Variants in SLC18A1 observed in about 807,000 individuals in gnomAD.
SLC18A1 encodes the protein solute carrier family 18 member A1.
A neutral mutation model predicts 53.7 loss-of-function variants in SLC18A1; 69 were observed. That is an observed-to-expected ratio of 1.28 (90% CI 1.06 to 1.57). SLC18A1 has a LOEUF of 1.57. Among genes scored for constraint, SLC18A1 ranks in the 40% most tolerant of loss-of-function variants. The pLI is 0.00. For missense variants in SLC18A1, 932 were observed against 668.1 expected, an observed-to-expected ratio of 1.40 and a Z score of -4.35; for synonymous variants, 320 against 248.1, an observed-to-expected ratio of 1.29 and a Z score of -2.72.
At chr8:20,149,788 C>A (rs964645161) in intron 11 of SLC18A1, 61 bp from the exon 12 acceptor site, 97 of 1,495,338 alleles carry the variant, frequency 6.5e-5, no homozygotes, top group Non-Finnish European at 7.7e-5. Context: ...ACCTGTACCC[C>A]ATCACCGCCA....
At chr8:20,154,836 G>A (rs1029756511) in intron 10 of SLC18A1, among the ~76,000 whole-genome samples, 10 of 152,082 alleles carry the variant, frequency 6.6e-5, no homozygotes, top group South Asian at 2.1e-4. Context: ...TTCATTCGCC[G>A]TCCACCACGG....
intron 10 of SLC18A1, among the ~76,000 whole-genome samples, chr8:20,163,139 G>A (rs1160360702): frequency 6.6e-6 from 1 of 152,134 alleles, no homozygotes; most frequent in South Asian, 2.1e-4. Flanking sequence ...GTGCCTGGTT[G>A]CTGGATCATA....
In SLC18A1 at chr8:20,178,974, T is replaced by G. The variant is rs1445580710; in HGVS notation, c.488+147A>C. The G allele has an allele frequency of 6.6e-6, 6 of 913,370 alleles. No individual in the cohort carries two copies. In the African/African-American group the frequency reaches 1.0e-4, roughly 15 times the overall value. 56.6% of individuals were successfully genotyped at this position (913,370 alleles called of 1,614,324 possible). ...CATTTCATCAGTAACATGTTATTCT[T>G]TGAGTAACGAGCTTTCCGAATAGCT... On this transcript the variant is annotated intron_variant, in intron 3 of 15. Transcript: ENST00000276373.
chr8:20,166,800 A>C (rs1333830725), intron 8 of SLC18A1, among the ~76,000 whole-genome samples: 1 of 152,180 alleles, frequency 6.6e-6, no homozygotes, highest in Non-Finnish European at 1.5e-5. Context: ...AATTAAGGTT[A>C]AATGAGGTCA....
intron 2 of SLC18A1, 131 bp from the exon 3 acceptor site, chr8:20,179,615 G>A (rs2072364988): frequency 1.6e-6 from 2 of 1,229,334 alleles, no homozygotes; most frequent in Non-Finnish European, 2.3e-6. Context: ...GCTAAGGACA[G>A]ATGTCATCTT....
At chr8:20,175,189 G>C (rs2072225318) in intron 4 of SLC18A1, 1 of 152,240 alleles carries the variant, frequency 6.6e-6, no homozygotes, top group African/African-American at 2.4e-5. Flanking sequence ...CTCCCAGACA[G>C]TCAGACCTAA....
At chr8:20,172,036 C>A (rs1236045561) in intron 6 of SLC18A1, among the ~76,000 whole-genome samples, 1 of 152,342 alleles carries the variant, frequency 6.6e-6, no homozygotes, top group South Asian at 2.1e-4. Context: ...TGTACTTGGC[C>A]TTGCGGCCTA....
intron 1 of SLC18A1, among the ~76,000 whole-genome samples, chr8:20,182,707 G>A (rs1394032151): frequency 2.0e-5 from 3 of 152,128 alleles, no homozygotes; most frequent in South Asian, 2.1e-4. Context: ...ACATATTAAC[G>A]TGACCAAGGT....
In SLC18A1 at chr8:20,159,588, C is replaced by G. The variant is rs1407233760; in HGVS notation, c.1015+5281G>C. On this transcript the variant is annotated intron_variant, in intron 10 of 15. Transcript: ENST00000276373. ...TGGCAATTCCCTTTGGGCCGCCTCC[C>G]ATTATATGGTAGCTCTGTTTTCACT... Among the ~76,000 whole-genome samples the G allele has an allele frequency of 4.6e-5, 6 of 131,098 alleles. No homozygotes were observed. The East Asian group carries it at 1.4e-3, about 30-fold the overall frequency. The allele number at this position is 131,098 out of a possible 152,430, so 86.0% of individuals were successfully genotyped here.
chr8:20,181,024 G>C lies in SLC18A1; in HGVS notation c.-60C>G. The C allele has an allele frequency of 6.5e-6, 10 of 1,529,590 alleles. No homozygotes were observed. The highest frequency in any genetic ancestry group is 7.9e-6 in the Non-Finnish European group (9 of 1,134,324). The allele number at this position is 1,529,590 out of a possible 1,614,324, so 94.8% of individuals were successfully genotyped here. ...GGCTCTTAGGGAAGGTCCTGTGACA[G>C]CTACAGGTCTCCTGCAGCCTTTATG... On this transcript the variant is annotated 5_prime_UTR_variant, in exon 2 of 16. Coordinates refer to ENST00000276373, the MANE Select transcript of SLC18A1 (RefSeq NM_003053.4).
At chr8:20,161,487 T>C (rs1389358354) in intron 10 of SLC18A1, among the ~76,000 whole-genome samples, 1 of 152,214 alleles carries the variant, frequency 6.6e-6, no homozygotes, top group Non-Finnish European at 1.5e-5. Flanking sequence ...TACATGGAAG[T>C]ACGTGTGTAG....
In SLC18A1 at chr8:20,145,556, C is replaced by A; in HGVS notation, c.*207G>T. 2.5e-6 allele frequency: 1 copy of A among 401,538 alleles called. No homozygotes were observed. The highest frequency in any genetic ancestry group is 4.4e-6 in the Non-Finnish European group (1 of 225,404). 24.9% of individuals were successfully genotyped at this position (401,538 alleles called of 1,614,324 possible). A position where few individuals can be genotyped will look rare whatever the true frequency, so the allele number is the denominator to read the frequency against. ...CTCTGTCTTCCCATAAAAGATGGGC[C>A]ACTGCGGCACCAAGGCATAGAGGAA... On this transcript the variant is annotated 3_prime_UTR_variant, in exon 16 of 16. Transcript: ENST00000276373.
chr8:20,148,069 A>C lies in SLC18A1; in HGVS notation c.1148T>G (p.Val383Gly). Residue 383 changes from valine to glycine, a missense_variant and splice_region_variant, in exon 13 of 16, where the codon GTT (valine) becomes GGT (glycine). Transcript: ENST00000276373. The part of the protein sequence containing the change: ...MLVVGTSLLC[V>G]PLAHNIFGLI... ...ACCAAAAATATTGTGAGCCAGAGGA[A>C]CCTGCATGGGGAAGGAGGAAGAGTC... 1 of 1,614,078 alleles carries C rather than the reference A, an allele frequency of 6.2e-7. No individual in the cohort carries two copies. The highest frequency in any genetic ancestry group is 8.5e-7 in the Non-Finnish European group (1 of 1,179,938).
intron 4 of SLC18A1, among the ~76,000 whole-genome samples, chr8:20,177,123 C>T (rs954166037): frequency 6.6e-6 from 1 of 152,164 alleles, no homozygotes; most frequent in African/African-American, 2.4e-5. Context: ...TTTAAATTTG[C>T]TGTCTAACTT....
At position 20,166,287 on chromosome 8, in the gene SLC18A1, G is replaced by GTGTATATA. The variant is rs1235212014; in HGVS notation, c.859-1181_859-1180insTATATACA. ...CAAAATTGTGTGTGGGTGTGTGTGTGTCTATATATATATATATATATATAT... is the reference window on the plus strand; with the variant it reads ...CAAAATTGTGTGTGGGTGTGTGTGTGTGTATATATCTATATATATATATATATATATAT... On this transcript the variant is annotated intron_variant, in intron 8 of 15. Transcript: ENST00000276373. Among the ~76,000 whole-genome samples, 170 of 78,972 alleles carry GTGTATATA rather than the reference G, an allele frequency of 2.2e-3. 7 individuals carry two copies. The highest frequency in any genetic ancestry group is 3.2e-3 in the African/African-American group (58 of 18,202). 51.8% of individuals were successfully genotyped at this position (78,972 alleles called of 152,430 possible). A position where few individuals can be genotyped will look rare whatever the true frequency, so the allele number is the denominator to read the frequency against.
chr8:20,177,153 T>C (rs1158065840), intron 4 of SLC18A1, among the ~76,000 whole-genome samples: 1 of 152,232 alleles, frequency 6.6e-6, no homozygotes, highest in East Asian at 1.9e-4. Flanking sequence ...TGCTAGAAGT[T>C]CCATGAACAG....
chr8:20,163,179 G>C (rs1205465052), intron 10 of SLC18A1, among the ~76,000 whole-genome samples: 3 of 152,160 alleles, frequency 2.0e-5, no homozygotes, highest in African/African-American at 7.2e-5. Context: ...CATGGAGAGA[G>C]AGCACACATG....
At chr8:20,167,477 A>T (rs955272468) in intron 8 of SLC18A1, among the ~76,000 whole-genome samples, 7 of 152,076 alleles carry the variant, frequency 4.6e-5, no homozygotes, top group African/African-American at 1.7e-4. Flanking sequence ...GCAAGCAGGG[A>T]AAAATCCCGT....
intron 10 of SLC18A1, among the ~76,000 whole-genome samples, chr8:20,156,703 T>A (rs1049720255): frequency 5.3e-5 from 8 of 152,192 alleles, no homozygotes; most frequent in Non-Finnish European, 2.9e-5. Context: ...CTCTCATATT[T>A]CTTACCCAAA....
Sources: gnomAD v4.1 joint callset for allele counts (sites outside exome capture counted in the v4.1 genomes callset) on GRCh38, gnomAD v4.1.1 for gene constraint, MANE v1.5 for transcripts, NCBI Gene and HGNC (gene_info 2026-07-23, HGNC 2026-07-21) for gene names.